The following IFT56 variants were observed in gnomAD, a reference collection of about 807,000 sequenced individuals.
IFT56 encodes intraflagellar transport 56.
At chr7:139,182,321 AAAG>A in the IFT56 span, among the ~76,000 whole-genome samples, 1 of 152,184 alleles carries the variant, frequency 6.6e-6, no homozygotes, top group African/African-American at 2.4e-5. Flanking sequence ...GTTACCAAAA[AAAG>A]AGGTGAATTA....
the IFT56 span, chr7:139,146,936 C>T: frequency 6.3e-5 from 91 of 1,448,494 alleles, no homozygotes; most frequent in Non-Finnish European, 8.0e-5. Context: ...TTTCCATTGT[C>T]GTTGTCAAGC....
At chr7:139,137,731 C>T in the IFT56 span, 11 of 703,886 alleles carry the variant, frequency 1.6e-5, no homozygotes, top group Admixed American at 2.4e-5. Context: ...CTCATATTGT[C>T]ATGCTTCTAA....
At chr7:139,173,639 T>A in the IFT56 span, 1 of 783,930 alleles carries the variant, frequency 1.3e-6, no homozygotes. Context: ...AAGGTCAACA[T>A]TCTTTTCTTC....
the IFT56 span, among the ~76,000 whole-genome samples, chr7:139,139,403 A>T: frequency 0.033 from 5,059 of 152,314 alleles, 130 homozygotes; most frequent in South Asian, 0.13. Flanking sequence ...GTCGTTAACA[A>T]AGTGAGTCTT....
the IFT56 span, among the ~76,000 whole-genome samples, chr7:139,187,790 C>T: frequency 3.9e-5 from 6 of 151,968 alleles, no homozygotes; most frequent in African/African-American, 1.4e-4. Context: ...ACATTAAGTA[C>T]ACTAACAGCC....
At chr7:139,174,157 T>G in the IFT56 span, 11 of 592,872 alleles carry the variant, frequency 1.9e-5, no homozygotes, top group Admixed American at 1.9e-4. Flanking sequence ...ATGAAGCACA[T>G]GATCTTCAGT....
chr7:139,134,927 C>A, the IFT56 span: 1 of 875,326 alleles, frequency 1.1e-6, no homozygotes, highest in Non-Finnish European at 1.7e-6. Context: ...CCCTGTAAAT[C>A]TAGTCAGGCA....
At chr7:139,179,783 G>C in the IFT56 span, 1 of 680,646 alleles carries the variant, frequency 1.5e-6, no homozygotes, top group Non-Finnish European at 2.5e-6. Context: ...CTGAAATTAA[G>C]CGTTGTTAAT....
At chr7:139,157,544 G>C in the IFT56 span, among the ~76,000 whole-genome samples, 1 of 131,224 alleles carries the variant, frequency 7.6e-6, no homozygotes, top group Non-Finnish European at 1.6e-5. Flanking sequence ...CTTTCACCCA[G>C]CCTAGATGGA....
At chr7:139,145,908 A>G in the IFT56 span, among the ~76,000 whole-genome samples, 1 of 152,182 alleles carries the variant, frequency 6.6e-6, no homozygotes, top group Non-Finnish European at 1.5e-5. Context: ...AGAAAATAGC[A>G]AATTGCATAC....
chr7:139,148,900 C>CTAA, the IFT56 span, among the ~76,000 whole-genome samples: 1 of 151,312 alleles, frequency 6.6e-6, no homozygotes, highest in Non-Finnish European at 1.5e-5. Flanking sequence ...GACTCTGTCT[C>CTAA]AAAAAAACCC....
the IFT56 span, among the ~76,000 whole-genome samples, chr7:139,162,938 G>A: frequency 1.3e-5 from 2 of 150,684 alleles, no homozygotes; most frequent in African/African-American, 4.9e-5. Flanking sequence ...CAGCCTGGGC[G>A]ACAGAGGGAG....
chr7:139,147,320 T>C, the IFT56 span: 513 of 1,555,728 alleles, frequency 3.3e-4, 1 homozygote, highest in South Asian at 3.1e-3. Context: ...CACTCTCCAT[T>C]CCTTTCATTT....
At chr7:139,182,249 A>T in the IFT56 span, among the ~76,000 whole-genome samples, 1 of 152,122 alleles carries the variant, frequency 6.6e-6, no homozygotes, top group Admixed American at 6.5e-5. Flanking sequence ...AAATCAGGTA[A>T]ATGTCAGGTA....
At chr7:139,178,133 A>G in the IFT56 span, 4 of 1,010,678 alleles carry the variant, frequency 4.0e-6, no homozygotes, top group Non-Finnish European at 4.5e-6. Context: ...CTGTCTTTAA[A>G]TTATTAAATA....
At chr7:139,149,396 T>C in the IFT56 span, among the ~76,000 whole-genome samples, 1 of 151,938 alleles carries the variant, frequency 6.6e-6, no homozygotes, top group African/African-American at 2.4e-5. Context: ...ACATCCTAGA[T>C]ATCTCTTTTA....
At chr7:139,153,052 G>A in the IFT56 span, among the ~76,000 whole-genome samples, 1 of 151,934 alleles carries the variant, frequency 6.6e-6, no homozygotes, top group Non-Finnish European at 1.5e-5. Flanking sequence ...GGGAGGCTGA[G>A]GCAGGAGAAT....
At chr7:139,179,067 T>C in the IFT56 span, among the ~76,000 whole-genome samples, 6 of 152,222 alleles carry the variant, frequency 3.9e-5, no homozygotes, top group African/African-American at 1.4e-4. Flanking sequence ...TCTAACTTAA[T>C]TGTATTTTTG....
the IFT56 span, among the ~76,000 whole-genome samples, chr7:139,163,648 G>A: frequency 1.3e-5 from 2 of 152,176 alleles, no homozygotes; most frequent in African/African-American, 4.8e-5. Flanking sequence ...AAACAGTGGG[G>A]CCAAGTGGAA....
Sources: gnomAD v4.1 joint callset for allele counts (sites outside exome capture counted in the v4.1 genomes callset) on GRCh38, gnomAD v4.1.1 for gene constraint, MANE v1.5 for transcripts, NCBI Gene and HGNC (gene_info 2026-07-23, HGNC 2026-07-21) for gene names.